Variants in EYS observed in about 807,000 individuals in gnomAD.
EYS encodes EGF-like photoreceptor maintenance factor.
Under a neutral mutation model 282.1 loss-of-function variants are expected in EYS, and 250 were observed. The observed-to-expected ratio is 0.89, with a 90% CI of 0.80 to 0.98. The LOEUF (loss-of-function observed/expected upper bound fraction) is 0.98, where lower values mean the gene tolerates loss of function less well. Among genes scored for constraint, EYS ranks in the 50% least tolerant of loss-of-function variants. EYS has a pLI of 0.00. For missense variants in EYS, 4,016 were observed against 3,709.0 expected (o/e 1.08, Z -2.15); for synonymous variants, 1,355 against 1,282.9 (o/e 1.06, Z -1.20).
At chr6:64,557,688 G>A (rs150593175) in intron 26 of EYS, among the ~76,000 whole-genome samples, 3 of 151,866 alleles carry the variant, frequency 2.0e-5, no homozygotes, top group African/African-American at 4.8e-5. Flanking sequence ...AAAGTTTAAC[G>A]GTAAATTATA....
Position 64,831,884 on chromosome 6 carries a change from A to G in EYS, c.2993-9062T>C, listed in dbSNP as rs544277020. The stretch of plus-strand genomic sequence containing the variant: ...TTCATATTAGTTACTCATTGTTTTT[A>G]GATCATTCTAAATGAGTGAGTCAAG... On this transcript the variant is annotated intron_variant, in intron 19 of 42. Coordinates refer to ENST00000503581, the MANE Select transcript of EYS (RefSeq NM_001142800.2). 4.6e-4 allele frequency among the ~76,000 whole-genome samples: 70 copies of G among 152,116 alleles called. 1 individual carries two copies. Among genetic ancestry groups the G allele is most frequent in the South Asian group, 1.7e-3 (8 of 4,832 alleles).
chr6:65,443,679 C>T (rs1206662676), intron 5 of EYS, among the ~76,000 whole-genome samples: 1 of 150,348 alleles, frequency 6.7e-6, no homozygotes, highest in Non-Finnish European at 1.5e-5. Flanking sequence ...ACATCATATA[C>T]ACACATACAC....
At chr6:64,795,286 G>T (rs1011691917) in intron 22 of EYS, among the ~76,000 whole-genome samples, 1 of 151,682 alleles carries the variant, frequency 6.6e-6, no homozygotes, top group Non-Finnish European at 1.5e-5. Context: ...AATTATACAT[G>T]ATATTTGTGT....
chr6:64,381,703 T>A lies in EYS; in HGVS notation c.6078+6987A>T, dbSNP rs548598609. Among the ~76,000 whole-genome samples the A allele has an allele frequency of 9.9e-5, 15 of 152,240 alleles. No homozygotes were observed. The South Asian group carries it at 3.1e-3, about 32-fold the overall frequency. On this transcript the variant is annotated intron_variant, in intron 29 of 42. Transcript: ENST00000503581. ...AAAGAATTTCACCTAAACAGGAAAA[T>A]TTTGGTGTATTGGATATGTACATCT...
Position 65,353,604 on chromosome 6 carries a change from G to C in EYS, c.1313C>G (p.Pro438Arg). The C allele has an allele frequency of 6.2e-7, 1 of 1,612,420 alleles. No homozygotes were observed. Among genetic ancestry groups the C allele is most frequent in the Non-Finnish European group, 8.5e-7 (1 of 1,178,932 alleles). Residue 438 changes from proline to arginine, a missense_variant, in exon 9 of 43, where the codon CCA becomes CGA. Transcript: ENST00000503581. The part of the protein sequence containing the change: ...IIGRFKYVCI[P>R]GCTKNPCWFL... ...CCAACATGGATTTTTTGTGCACCCT[G>C]GAATGCATACATACTGCAAAAAGGA... is the stretch of plus-strand genomic sequence containing the variant.
intron 1 of EYS, among the ~76,000 whole-genome samples, chr6:65,660,306 T>C (rs570343415): frequency 6.6e-6 from 1 of 151,952 alleles, no homozygotes; most frequent in South Asian, 2.1e-4. Context: ...TTCTTTGGTA[T>C]ACCATTGCAT....
At chr6:65,520,801 A>G (rs1451136623) in intron 2 of EYS, among the ~76,000 whole-genome samples, 4 of 151,984 alleles carry the variant, frequency 2.6e-5, no homozygotes, top group Non-Finnish European at 5.9e-5. Context: ...TGCTTCTTCT[A>G]TCTTCTTTTT....
At chr6:65,181,924 T>A (rs1295290) in intron 12 of EYS, among the ~76,000 whole-genome samples, 2,861 of 152,114 alleles carry the variant, frequency 0.019, 73 homozygotes, top group African/African-American at 0.065. Flanking sequence ...TGGATGAAGC[T>A]GGAAACCATC....
chr6:65,417,713 A>AT (rs948812404), intron 5 of EYS, among the ~76,000 whole-genome samples: 4 of 152,002 alleles, frequency 2.6e-5, no homozygotes, highest in Non-Finnish European at 5.9e-5. Context: ...AGCCCTTTAT[A>AT]TGTAATAATG....
At chr6:64,987,800 C>G (rs574628419) in intron 14 of EYS, among the ~76,000 whole-genome samples, 1 of 151,490 alleles carries the variant, frequency 6.6e-6, no homozygotes, top group East Asian at 1.9e-4. Context: ...TTCTGAAAAG[C>G]AAACTAGTCC....
chr6:65,627,505 C>T (rs1348551008), intron 2 of EYS, among the ~76,000 whole-genome samples: 1 of 152,158 alleles, frequency 6.6e-6, no homozygotes, highest in Non-Finnish European at 1.5e-5. Flanking sequence ...CCCACTCCCT[C>T]AGCTTGCAGG....
intron 41 of EYS, among the ~76,000 whole-genome samples, chr6:63,749,903 T>C (rs1040125655): frequency 2.6e-5 from 4 of 152,210 alleles, no homozygotes; most frequent in African/African-American, 9.6e-5. Flanking sequence ...TGTGTGCCAC[T>C]TGTCCTAGTC....
intron 5 of EYS, among the ~76,000 whole-genome samples, chr6:65,479,609 G>A (rs1362624321): frequency 6.6e-6 from 1 of 152,114 alleles, no homozygotes; most frequent in Non-Finnish European, 1.5e-5. Context: ...ACATGGTGCT[G>A]AACTGTATTT....
chr6:63,858,439 C>G (rs2149706953), intron 36 of EYS, among the ~76,000 whole-genome samples: 1 of 152,196 alleles, frequency 6.6e-6, no homozygotes, highest in South Asian at 2.1e-4. Context: ...TATGTGCCAA[C>G]CTAACTTTTT....
intron 5 of EYS, among the ~76,000 whole-genome samples, chr6:65,470,290 G>A (rs1582338331): frequency 6.6e-6 from 1 of 152,106 alleles, no homozygotes; most frequent in South Asian, 2.1e-4. Context: ...GGTGCAATGG[G>A]AAGTAAAGTG....
rs568624919 is a variant in EYS at position 65,109,194 on chromosome 6, G to T, written c.2024-51467C>A. Among the ~76,000 whole-genome samples the T allele has an allele frequency of 4.3e-4, 65 of 151,570 alleles. 1 individual carries two copies. The South Asian group carries it at 0.013, about 29-fold the overall frequency. Reference sequence around the variant, plus strand: ...ATGATAGTTATAATAGCCACTTTTAGAATTTTTTTCTGTTAGTTCTAAACA... The same window carrying T: ...ATGATAGTTATAATAGCCACTTTTATAATTTTTTTCTGTTAGTTCTAAACA... On this transcript the variant is annotated intron_variant, in intron 12 of 42. Coordinates refer to ENST00000503581, the MANE Select transcript of EYS (RefSeq NM_001142800.2).
At chr6:64,069,659 A>G (rs1771502465) in intron 32 of EYS, among the ~76,000 whole-genome samples, 1 of 152,058 alleles carries the variant, frequency 6.6e-6, no homozygotes, top group African/African-American at 2.4e-5. Flanking sequence ...AATTTCTTAA[A>G]ATAAGAGCAG....
intron 31 of EYS, among the ~76,000 whole-genome samples, chr6:64,088,384 A>C (rs1772232078): frequency 6.6e-6 from 1 of 152,066 alleles, no homozygotes; most frequent in Non-Finnish European, 1.5e-5. Flanking sequence ...ACAAAATGAC[A>C]TCTAAAATAT....
chr6:65,437,908 C>T (rs994043726), intron 5 of EYS, among the ~76,000 whole-genome samples: 1 of 151,978 alleles, frequency 6.6e-6, no homozygotes, highest in East Asian at 1.9e-4. Flanking sequence ...GCACAACGTG[C>T]AGGTTTGTTA....
Sources: gnomAD v4.1 joint callset for allele counts (sites outside exome capture counted in the v4.1 genomes callset) on GRCh38, gnomAD v4.1.1 for gene constraint, MANE v1.5 for transcripts, NCBI Gene and HGNC (gene_info 2026-07-23, HGNC 2026-07-21) for gene names.